The following LAPTM5 variants were observed in gnomAD, a reference collection of about 807,000 sequenced individuals.
LAPTM5 encodes the protein lysosomal-associated transmembrane protein 5.
A neutral mutation model predicts 30.1 loss-of-function variants in LAPTM5; 11 were observed. That is an observed-to-expected ratio of 0.37 (90% CI 0.23 to 0.60). LAPTM5 has a LOEUF of 0.60. LAPTM5 is among the 20% of genes least tolerant of loss of function. The pLI, the probability that LAPTM5 is intolerant of heterozygous loss-of-function variation, is 0.71. For synonymous variants in LAPTM5, 151 were observed against 137.9 expected (o/e 1.10, Z -0.67); for missense variants, 324 against 332.5 (o/e 0.97, Z 0.20).
chr1:30,756,123 A>G (rs1640208533), intron 1 of LAPTM5, among the ~76,000 whole-genome samples: 1 of 152,146 alleles, frequency 6.6e-6, no homozygotes, highest in Admixed American at 6.5e-5. Context: ...TGGGGTGAGG[A>G]CCCAGGGACT....
intron 1 of LAPTM5, among the ~76,000 whole-genome samples, chr1:30,753,650 A>T (rs570794562): frequency 6.6e-6 from 1 of 152,366 alleles, no homozygotes; most frequent in African/African-American, 2.4e-5. Context: ...CATCATACCA[A>T]GAGGAACCTA....
At chr1:30,741,586 G>T in intron 3 of LAPTM5, 54 bp downstream of exon 3, 1 of 1,400,082 alleles carries the variant, frequency 7.1e-7, no homozygotes. Context: ...CCCACCACCA[G>T]TGGGTGTGAA....
rs545456726 is a variant in LAPTM5, at chr1:30,741,649, G to T, written c.249C>A (p.Gly83=). Residue 83 remains glycine, a synonymous_variant, in exon 3 of 8, where the codon GGC becomes GGA. Transcript: ENST00000294507. ...LFIISLSLLI[G]VVKNREKYLL... ...GCTCCTGAGCCCTCACCTTGACTAC[G>T]CCGATCAGTAGGCTCAGGCTGATGA... 1.9e-6 allele frequency: 3 copies of T among 1,602,254 alleles called. No individual in the cohort carries two copies. In the South Asian group the frequency reaches 3.4e-5, roughly 18 times the overall value.
At position 30,741,667 on chromosome 1, in the gene LAPTM5, G is replaced by A. The variant is rs1184913001; in HGVS notation, c.231C>T (p.Ser77=). ...FLLITMLFII[S]LSLLIGVVKN... ...TGACTACGCCGATCAGTAGGCTCAG[G>A]CTGATGATGAAGAGCATGGTGATGA... The change falls in exon 3 of 8, where the codon AGC becomes AGT. Residue 77 remains serine (S), a synonymous_variant. Coordinates refer to ENST00000294507, the MANE Select transcript of LAPTM5 (RefSeq NM_006762.3). The A allele has an allele frequency of 1.9e-6, 3 of 1,607,848 alleles. No homozygotes were observed. The highest frequency in any genetic ancestry group is 2.7e-5 in the African/African-American group (2 of 74,808).
chr1:30,741,443 G>C (rs1639969026), intron 3 of LAPTM5, among the ~76,000 whole-genome samples, 197 bp downstream of exon 3: 1 of 152,204 alleles, frequency 6.6e-6, no homozygotes, highest in Admixed American at 6.5e-5. Context: ...CATGTTACCA[G>C]GGAACTGAGG....
Position 30,733,687 on chromosome 1 carries a change from C to A in LAPTM5, c.*141G>T. On this transcript the variant is annotated 3_prime_UTR_variant, in exon 8 of 8. Transcript: ENST00000294507. ...TCACAGGCCCTGCAGGAGGAGCAGGCCAGCGAGGGAGACACAAGCAGATTG... is the reference window on the plus strand; with the variant it reads ...TCACAGGCCCTGCAGGAGGAGCAGGACAGCGAGGGAGACACAAGCAGATTG... The A allele has an allele frequency of 3.3e-6, 5 of 1,533,852 alleles. No homozygotes were observed. Among genetic ancestry groups the A allele is most frequent in the Non-Finnish European group, 4.4e-6 (5 of 1,146,018 alleles).
At chr1:30,738,775 T>G (rs540079705) in intron 5 of LAPTM5, among the ~76,000 whole-genome samples, 165 bp downstream of exon 5, 1 of 152,268 alleles carries the variant, frequency 6.6e-6, no homozygotes, top group East Asian at 1.9e-4. Flanking sequence ...CCTGACAAGT[T>G]TCTTCCTGAG....
chr1:30,738,858 CCA>C, intron 5 of LAPTM5, 80 bp downstream of exon 5: 1 of 1,465,816 alleles, frequency 6.8e-7, no homozygotes, highest in Middle Eastern at 2.4e-4. Flanking sequence ...CTGGCCTAAA[CCA>C]CAGACACACA....
At chr1:30,756,482 C>A (rs1640212631) in intron 1 of LAPTM5, among the ~76,000 whole-genome samples, 1 of 152,218 alleles carries the variant, frequency 6.6e-6, no homozygotes, top group Non-Finnish European at 1.5e-5. Flanking sequence ...TATGATAATT[C>A]ACATCCCCAT....
chr1:30,757,606 A>C (rs1569881646), intron 1 of LAPTM5, 53 bp downstream of exon 1: 2 of 1,570,734 alleles, frequency 1.3e-6, no homozygotes, highest in East Asian at 4.5e-5. Flanking sequence ...CACCGCAGAC[A>C]TTCACACTCA....
At position 30,735,138 on chromosome 1, in the gene LAPTM5, T is replaced by C. The variant is rs1025309414; in HGVS notation, c.699+35A>G. On this transcript the variant is annotated intron_variant, in intron 7 of 7. Coordinates refer to ENST00000294507, the MANE Select transcript of LAPTM5 (RefSeq NM_006762.3). Reference sequence around the variant, plus strand: ...TGACCCAAATGGCACAGGGAGTTAGTGACAGGGCTGGCACCCACCTGCAGC... The same window carrying C: ...TGACCCAAATGGCACAGGGAGTTAGCGACAGGGCTGGCACCCACCTGCAGC... 2.0e-6 allele frequency: 3 copies of C among 1,492,884 alleles called. No individual in the cohort carries two copies. The African/African-American group carries it at 4.1e-5, about 21-fold the overall frequency. 92.5% of individuals were successfully genotyped at this position (1,492,884 alleles called of 1,614,324 possible). A position where few individuals can be genotyped will look rare whatever the true frequency, so the allele number is the denominator to read the frequency against.
intron 6 of LAPTM5, among the ~76,000 whole-genome samples, chr1:30,736,536 C>T (rs753866362): frequency 9.2e-5 from 14 of 152,172 alleles, no homozygotes; most frequent in South Asian, 2.1e-4. Context: ...CAGGCTCAAG[C>T]GATCCTCCCG....
intron 1 of LAPTM5, among the ~76,000 whole-genome samples, chr1:30,747,459 T>C (rs547012185): frequency 6.6e-6 from 1 of 152,280 alleles, no homozygotes; most frequent in South Asian, 2.1e-4. Flanking sequence ...GTCCCAGCCA[T>C]GCTCAGCCAC....
intron 1 of LAPTM5, among the ~76,000 whole-genome samples, chr1:30,747,033 T>C (rs770659339): frequency 3.9e-5 from 6 of 152,056 alleles, no homozygotes; most frequent in Non-Finnish European, 5.9e-5. Flanking sequence ...TCCAGGGAAC[T>C]CGATACATGA....
At chr1:30,757,093 G>A (rs1485764475) in intron 1 of LAPTM5, among the ~76,000 whole-genome samples, 6 of 152,212 alleles carry the variant, frequency 3.9e-5, no homozygotes, top group East Asian at 3.9e-4. Flanking sequence ...GCAGAAGGCC[G>A]TGGTTTGACT....
chr1:30,744,161 A>G (rs1640012104), intron 1 of LAPTM5, among the ~76,000 whole-genome samples: 1 of 152,094 alleles, frequency 6.6e-6, no homozygotes, highest in African/African-American at 2.4e-5. Flanking sequence ...TGCATGCTCT[A>G]ACTGCCCCCT....
chr1:30,738,491 G>C (rs949147702), intron 5 of LAPTM5, among the ~76,000 whole-genome samples: 1 of 152,110 alleles, frequency 6.6e-6, no homozygotes. Flanking sequence ...TACCATCTCT[G>C]GTGCAGCCCC....
intron 1 of LAPTM5, among the ~76,000 whole-genome samples, chr1:30,751,764 GTTC>G (rs988620429): frequency 5.9e-5 from 9 of 152,108 alleles, no homozygotes; most frequent in African/African-American, 1.7e-4. Flanking sequence ...GGGGCCTTGT[GTTC>G]TTCTTCCACA....
At chr1:30,742,279 G>A (rs751830962) in intron 2 of LAPTM5, 177 bp downstream of exon 2, 8 of 601,264 alleles carry the variant, frequency 1.3e-5, no homozygotes, top group Non-Finnish European at 2.4e-5. Context: ...GGGTCAGGTG[G>A]AACATCCCCA....
Sources: allele counts gnomAD v4.1 joint callset (sites outside exome capture counted in the v4.1 genomes callset), GRCh38; gene constraint gnomAD v4.1.1; transcripts MANE v1.5; gene names NCBI Gene and HGNC (gene_info 2026-07-23, HGNC 2026-07-21).